CPA6: variants seen among roughly 807,000 people sequenced by gnomAD.
CPA6 encodes carboxypeptidase B.
A neutral mutation model predicts 63.3 loss-of-function variants in CPA6; 58 were observed. The observed-to-expected ratio is 0.92, with a 90% CI of 0.74 to 1.14. The LOEUF is 1.14. Ranked by LOEUF, CPA6 falls within the 50% of genes most tolerant of loss-of-function variation. The pLI, the probability that CPA6 is intolerant of heterozygous loss-of-function variation, is 0.00. For synonymous variants in CPA6, 185 were observed against 179.0 expected (o/e 1.03, Z -0.27); for missense variants, 565 against 526.6 (o/e 1.07, Z -0.71).
intron 2 of CPA6, among the ~76,000 whole-genome samples, chr8:67,534,430 AGGT>A (rs1325890336): frequency 1.3e-5 from 2 of 152,164 alleles, no homozygotes; most frequent in African/African-American, 4.8e-5. Flanking sequence ...CTAGCTATAC[AGGT>A]ACATGTAGGT....
chr8:67,598,330 T>C (rs752232263), intron 2 of CPA6, among the ~76,000 whole-genome samples: 1 of 152,224 alleles, frequency 6.6e-6, no homozygotes, highest in Non-Finnish European at 1.5e-5. Flanking sequence ...AAATATTTAT[T>C]TTTATTGCAG....
At chr8:67,511,040 T>G (rs1464517168) in intron 4 of CPA6, among the ~76,000 whole-genome samples, 5 of 152,106 alleles carry the variant, frequency 3.3e-5, no homozygotes, top group African/African-American at 4.8e-5. Flanking sequence ...GTAAAGGATG[T>G]GACAGTGTGG....
chr8:67,459,637 C>T (rs1430359358), intron 8 of CPA6, among the ~76,000 whole-genome samples: 1 of 152,086 alleles, frequency 6.6e-6, no homozygotes, highest in Non-Finnish European at 1.5e-5. Context: ...AGGCAGAGCA[C>T]AGAAGGTTTT....
At chr8:67,590,438 A>C (rs2128980850) in intron 2 of CPA6, among the ~76,000 whole-genome samples, 1 of 151,414 alleles carries the variant, frequency 6.6e-6, no homozygotes, top group South Asian at 2.1e-4. Context: ...CGGTATTTCT[A>C]GTTCTAGATC....
At chr8:67,691,453 G>A (rs1485931831) in intron 1 of CPA6, among the ~76,000 whole-genome samples, 1 of 152,100 alleles carries the variant, frequency 6.6e-6, no homozygotes, top group Non-Finnish European at 1.5e-5. Flanking sequence ...AATCATTTTT[G>A]CCTTTCTCTT....
chr8:67,744,237 CTTCTT>C (rs1034657381), intron 1 of CPA6, among the ~76,000 whole-genome samples: 2 of 152,158 alleles, frequency 1.3e-5, no homozygotes, highest in African/African-American at 4.8e-5. Flanking sequence ...GTGAGACTCA[CTTCTT>C]TTCATTCTCT....
At chr8:67,583,948 G>C (rs542836709) in intron 2 of CPA6, among the ~76,000 whole-genome samples, 1 of 152,072 alleles carries the variant, frequency 6.6e-6, no homozygotes. Flanking sequence ...ATGAGGTCAG[G>C]AGATCGAGAC....
chr8:67,500,606 T>G (rs1259202791), intron 6 of CPA6, among the ~76,000 whole-genome samples: 1 of 152,120 alleles, frequency 6.6e-6, no homozygotes, highest in African/African-American at 2.4e-5. Flanking sequence ...AAGAACGCTT[T>G]GTCTTGGTTT....
At chr8:67,582,764 A>T (rs1217195721) in intron 2 of CPA6, among the ~76,000 whole-genome samples, 6 of 152,172 alleles carry the variant, frequency 3.9e-5, no homozygotes, top group East Asian at 3.9e-4. Flanking sequence ...GTTGTAGTTC[A>T]TGTGGGAATA....
At chr8:67,620,493 C>A (rs1213342135) in intron 2 of CPA6, among the ~76,000 whole-genome samples, 1 of 152,182 alleles carries the variant, frequency 6.6e-6, no homozygotes, top group Admixed American at 6.5e-5. Context: ...GGTCTTCTGG[C>A]AAACCCTCCT....
chr8:67,695,223 C>T (rs1269368801), intron 1 of CPA6, among the ~76,000 whole-genome samples: 8 of 152,228 alleles, frequency 5.3e-5, no homozygotes, highest in Non-Finnish European at 7.4e-5. Context: ...CAAAATGGGC[C>T]GTAGTGGCAG....
intron 8 of CPA6, among the ~76,000 whole-genome samples, chr8:67,461,261 T>A (rs574530550): frequency 7.0e-6 from 1 of 142,356 alleles, no homozygotes; most frequent in African/African-American, 2.7e-5. Context: ...GTGGTGATGA[T>A]TCTTAACGAG....
At chr8:67,518,927 G>C (rs117473032) in intron 2 of CPA6, among the ~76,000 whole-genome samples, 3,363 of 152,214 alleles carry the variant, frequency 0.022, 54 homozygotes, top group Non-Finnish European at 0.032. Context: ...TTGGCTGCTA[G>C]GGTAGGTCTC....
In CPA6 at chr8:67,422,374, G is replaced by A; in HGVS notation, c.*130C>T. The stretch of plus-strand genomic sequence containing the variant: ...CTATTGCCACAAAGTCAAATTGCGT[G>A]GGGTCTTTTTAAAGTCCATAGACAT... On this transcript the variant is annotated 3_prime_UTR_variant, in exon 11 of 11. Transcript: ENST00000297770. The A allele has an allele frequency of 1.5e-6, 1 of 658,688 alleles. No individual in the cohort carries two copies. The highest frequency in any genetic ancestry group is 2.5e-6 in the Non-Finnish European group (1 of 403,204). 40.8% of individuals were successfully genotyped at this position (658,688 alleles called of 1,614,324 possible). A position where few individuals can be genotyped will look rare whatever the true frequency, so the allele number is the denominator to read the frequency against.
At chr8:67,546,192 T>C (rs1348138845) in intron 2 of CPA6, among the ~76,000 whole-genome samples, 1 of 152,182 alleles carries the variant, frequency 6.6e-6, no homozygotes, top group Non-Finnish European at 1.5e-5. Context: ...TACACAATTA[T>C]GATTACAAAA....
chr8:67,572,281 G>A (rs1313622083), intron 2 of CPA6, among the ~76,000 whole-genome samples: 1 of 152,144 alleles, frequency 6.6e-6, no homozygotes, highest in Non-Finnish European at 1.5e-5. Context: ...TTGGGAGGTG[G>A]GCTCAATGGC....
chr8:67,614,030 A>G (rs899745157), intron 2 of CPA6, among the ~76,000 whole-genome samples: 2 of 152,072 alleles, frequency 1.3e-5, no homozygotes, highest in Admixed American at 6.5e-5. Context: ...CCTTGCATTC[A>G]TCCTTCAAGC....
At chr8:67,669,753 T>C (rs1816303181) in intron 1 of CPA6, among the ~76,000 whole-genome samples, 1 of 151,008 alleles carries the variant, frequency 6.6e-6, no homozygotes, top group South Asian at 2.1e-4. Flanking sequence ...TTATGTGTCA[T>C]GTAACTAAGA....
rs374094892 is a variant in CPA6 at position 67,643,588 on chromosome 8, G to A, written c.117-19337C>T. Among the ~76,000 whole-genome samples, 42 of 151,832 alleles carry A rather than the reference G, an allele frequency of 2.8e-4. 1 individual carries two copies. Among genetic ancestry groups the A allele is most frequent in the Non-Finnish European group, 5.6e-4 (38 of 67,968 alleles). On this transcript the variant is annotated intron_variant, in intron 1 of 10. Coordinates refer to ENST00000297770, the MANE Select transcript of CPA6 (RefSeq NM_020361.5). ...ACTGAGCAATAAAAACAAGGCTACC[G>A]GTAACCTCAGAAGGAAGGGGAGAGG...
Sources: allele counts gnomAD v4.1 joint callset (sites outside exome capture counted in the v4.1 genomes callset), GRCh38; gene constraint gnomAD v4.1.1; transcripts MANE v1.5; gene names NCBI Gene and HGNC (gene_info 2026-07-23, HGNC 2026-07-21).